Variants in POLR3B observed in about 807,000 individuals in gnomAD.
POLR3B encodes RNA polymerase III subunit B.
Under a neutral mutation model 147.4 loss-of-function variants are expected in POLR3B, and 96 were observed. The ratio of observed to expected loss-of-function variants is 0.65; its 90% confidence interval spans 0.55 to 0.77. POLR3B has a LOEUF of 0.77. Among genes scored for constraint, POLR3B ranks in the 30% least tolerant of loss-of-function variants. The probability of loss-of-function intolerance (pLI) is 0.00; values close to 1 mark genes in which losing one functional copy is unlikely to be tolerated. For synonymous variants in POLR3B, 461 were observed against 485.9 expected (o/e 0.95, Z 0.67); for missense variants, 1,036 against 1,413.5 (o/e 0.73, Z 4.28).
At chr12:106,397,498 A>T (rs1378596682) in intron 10 of POLR3B, among the ~76,000 whole-genome samples, 1 of 152,156 alleles carries the variant, frequency 6.6e-6, no homozygotes, top group African/African-American at 2.4e-5. Context: ...AACTTTATAT[A>T]TGGAATTAGG....
chr12:106,505,514 C>T (rs2038672858), intron 27 of POLR3B, among the ~76,000 whole-genome samples: 1 of 152,230 alleles, frequency 6.6e-6, no homozygotes, highest in Non-Finnish European at 1.5e-5. Context: ...TCTCAAACTC[C>T]TGGGCTCAAG....
intron 23 of POLR3B, among the ~76,000 whole-genome samples, chr12:106,492,764 G>C (rs1368237844): frequency 6.6e-6 from 1 of 152,204 alleles, no homozygotes; most frequent in African/African-American, 2.4e-5. Context: ...GTCAGATTTA[G>C]ACTCCCTCAA....
At chr12:106,382,530 T>C (rs1022231958) in intron 9 of POLR3B, among the ~76,000 whole-genome samples, 1 of 152,210 alleles carries the variant, frequency 6.6e-6, no homozygotes, top group Non-Finnish European at 1.5e-5. Flanking sequence ...ATTCATGGGC[T>C]GCAGAATGGA....
intron 24 of POLR3B, chr12:106,496,496 T>C: frequency 1.7e-6 from 1 of 600,058 alleles, no homozygotes; most frequent in East Asian, 2.8e-5. Flanking sequence ...TCTTACCAGC[T>C]GTGTGGCCTT....
In POLR3B at chr12:106,410,862, A is replaced by G; in HGVS notation, c.1003A>G (p.Thr335Ala). ...EFNFRAKCIY[T>A]AVMVRRVILA... ...CAATTTCCGAGCCAAATGTATCTATACTGCAGTGATGGTGCGAAGAGTTAT... is the reference window on the plus strand; with the variant it reads ...CAATTTCCGAGCCAAATGTATCTATGCTGCAGTGATGGTGCGAAGAGTTAT... The change falls in exon 12 of 28, where the codon ACT becomes GCT. Residue 335 changes from threonine (T) to alanine (A), a missense_variant. By Grantham distance (58) the Thr-to-Ala change is moderately conservative. Transcript: ENST00000228347. The G allele has an allele frequency of 6.2e-7, 1 of 1,613,784 alleles. No individual in the cohort carries two copies. The highest frequency in any genetic ancestry group is 1.3e-5 in the African/African-American group (1 of 75,066).
At chr12:106,403,524 G>A (rs979299528) in intron 10 of POLR3B, among the ~76,000 whole-genome samples, 31 of 151,964 alleles carry the variant, frequency 2.0e-4, no homozygotes, top group Non-Finnish European at 4.0e-4. Flanking sequence ...TGTTTACTGC[G>A]GCACTATTCA....
In POLR3B at chr12:106,369,662, G is replaced by T; in HGVS notation, c.383G>T (p.Arg128Leu). 6.2e-7 allele frequency: 1 copy of T among 1,608,852 alleles called. No homozygotes were observed. The highest frequency in any genetic ancestry group is 1.1e-5 in the South Asian group (1 of 90,990). ...ACCCGAGGCAGCCAGAGGATCATCC[G>T]CAATGCCTTACCTATCGGCAGGTGA... ...EYTRGSQRIIRNALPIGRMPI... is the reference protein window; with the variant it reads ...EYTRGSQRIILNALPIGRMPI... Residue 128 changes from arginine (R) to leucine (L), a missense_variant, in exon 6 of 28, where the codon CGC (arginine) becomes CTC (leucine). Transcript: ENST00000228347.
intron 24 of POLR3B, 33 bp downstream of exon 24, chr12:106,496,191 C>A: frequency 7.9e-7 from 1 of 1,269,846 alleles, no homozygotes; most frequent in Non-Finnish European, 1.2e-6. Flanking sequence ...AGAGGCATTG[C>A]CTTTAAGGAA....
intron 23 of POLR3B, among the ~76,000 whole-genome samples, chr12:106,466,579 TC>T (rs2137039937): frequency 6.6e-6 from 1 of 152,360 alleles, no homozygotes; most frequent in South Asian, 2.1e-4. Flanking sequence ...ATTTTTATGA[TC>T]CTAGGTCTTA....
At chr12:106,483,649 G>T (rs1252921681) in intron 23 of POLR3B, among the ~76,000 whole-genome samples, 1 of 152,204 alleles carries the variant, frequency 6.6e-6, no homozygotes, top group Non-Finnish European at 1.5e-5. Context: ...ATCTTTGGCA[G>T]ATGGTTTTCC....
intron 12 of POLR3B, among the ~76,000 whole-genome samples, chr12:106,413,968 A>T (rs1593027709): frequency 6.6e-6 from 1 of 151,934 alleles, no homozygotes; most frequent in African/African-American, 2.4e-5. Context: ...TGAAACATTC[A>T]GAAGAGTTAG....
intron 20 of POLR3B, 113 bp downstream of exon 20, chr12:106,454,824 T>A (rs2037844359): frequency 1.4e-6 from 1 of 711,014 alleles, no homozygotes; most frequent in Non-Finnish European, 2.5e-6. Flanking sequence ...TTGAATTTTA[T>A]GATATAGAAA....
intron 19 of POLR3B, among the ~76,000 whole-genome samples, chr12:106,451,325 G>A (rs936314929): frequency 2.0e-5 from 3 of 151,964 alleles, no homozygotes; most frequent in East Asian, 3.9e-4. Flanking sequence ...ATTCAATAAT[G>A]TTGATTTAAA....
At chr12:106,491,723 C>T (rs1027620276) in intron 23 of POLR3B, among the ~76,000 whole-genome samples, 2 of 152,154 alleles carry the variant, frequency 1.3e-5, no homozygotes, top group African/African-American at 2.4e-5. Context: ...AATATATTTA[C>T]GAAGTTTTCA....
intron 10 of POLR3B, among the ~76,000 whole-genome samples, chr12:106,400,140 T>C (rs2037041852): frequency 2.6e-5 from 4 of 152,118 alleles, no homozygotes; most frequent in Admixed American, 2.6e-4. Context: ...TGGAGGAAGA[T>C]CTGCCAAGCA....
At chr12:106,365,600 A>G (rs576163793) in intron 2 of POLR3B, among the ~76,000 whole-genome samples, 1 of 152,290 alleles carries the variant, frequency 6.6e-6, no homozygotes, top group South Asian at 2.1e-4. Flanking sequence ...CACGCTTGTA[A>G]TCCCAGCACT....
intron 23 of POLR3B, among the ~76,000 whole-genome samples, chr12:106,474,974 A>C (rs923883903): frequency 5.4e-5 from 7 of 128,494 alleles, no homozygotes; most frequent in Admixed American, 3.7e-4. Context: ...TCAATTTTGG[A>C]TCTTTCCTGC....
At chr12:106,372,424 G>GC (rs1555208624) in intron 6 of POLR3B, among the ~76,000 whole-genome samples, 1 of 144,852 alleles carries the variant, frequency 6.9e-6, no homozygotes, top group Non-Finnish European at 1.5e-5. Context: ...TGCAACCTCC[G>GC]CCCCCCAGGT....
intron 6 of POLR3B, among the ~76,000 whole-genome samples, chr12:106,370,653 A>G (rs558715245): frequency 1.5e-5 from 2 of 134,298 alleles, no homozygotes; most frequent in Non-Finnish European, 1.6e-5. Context: ...TTTTTTTGAG[A>G]CAGAGTCTTA....
Sources: allele counts gnomAD v4.1 joint callset (sites outside exome capture counted in the v4.1 genomes callset), GRCh38; gene constraint gnomAD v4.1.1; transcripts MANE v1.5; gene names NCBI Gene and HGNC (gene_info 2026-07-23, HGNC 2026-07-21).